SAAL1: variants seen among roughly 807,000 people sequenced by gnomAD.
SAAL1 encodes protein SAAL1.
SAAL1 carries 42 observed loss-of-function variants against 59.8 expected under a neutral mutation model. The ratio of observed to expected loss-of-function variants is 0.70; its 90% confidence interval spans 0.55 to 0.91. SAAL1 has a LOEUF of 0.91. Ranked by LOEUF, SAAL1 falls within the 40% of genes least tolerant of loss-of-function variation. SAAL1 has a pLI of 0.00. For missense variants in SAAL1, 542 were observed against 561.1 expected (o/e 0.97, Z 0.34); for synonymous variants, 191 against 194.3 (o/e 0.98, Z 0.14).
rs749808033 is a variant in SAAL1 at position 18,086,984 on chromosome 11, C to A, written c.924G>T (p.Gln308His). ...GAAGAATGATGGGTGGATCATCAGA[C>A]TGGCAGAATTCATGGCAGACCAGGT... ...LFDLVCHEFCQSDDPPIILQE... is the reference protein window; with the variant it reads ...LFDLVCHEFCHSDDPPIILQE... The change falls in exon 9 of 12, where the codon CAG becomes CAT. Residue 308 changes from glutamine (Q) to histidine (H), a missense_variant. By Grantham distance (24) the Gln-to-His change is conservative (BLOSUM62 0). Coordinates refer to ENST00000524803, the MANE Select transcript of SAAL1 (RefSeq NM_138421.3). 2 of 1,613,868 alleles carry A rather than the reference C, an allele frequency of 1.2e-6. No homozygotes were observed. The highest frequency in any genetic ancestry group is 1.7e-5 in the Admixed American group (1 of 60,000).
Position 18,102,261 on chromosome 11 carries a change from G to A in SAAL1, c.249+972C>T, listed in dbSNP as rs117863471. On this transcript the variant is annotated intron_variant, in intron 2 of 11. Coordinates refer to ENST00000524803, the MANE Select transcript of SAAL1 (RefSeq NM_138421.3). ...CACTAAAAATATAAAAATTCGCAGG[G>A]ATTGGTGGCTCACACCTGTACTCCC... 2.8e-3 allele frequency among the ~76,000 whole-genome samples: 419 copies of A among 152,174 alleles called. 2 individuals are homozygous for A. Among genetic ancestry groups the A allele is most frequent in the African/African-American group, 9.4e-3 (389 of 41,526 alleles).
chr11:18,097,566 G>A (rs190449643), intron 2 of SAAL1, among the ~76,000 whole-genome samples: 6 of 152,312 alleles, frequency 3.9e-5, no homozygotes, highest in East Asian at 1.9e-4. Context: ...CACGCTGGGC[G>A]CAGTGGTTCA....
rs764199969 is a variant in SAAL1 at position 18,106,075 on chromosome 11, C to T, written c.-34G>A. The T allele has an allele frequency of 5.7e-6, 9 of 1,574,656 alleles. No homozygotes were observed. The South Asian group carries it at 7.0e-5, about 12-fold the overall frequency. On this transcript the variant is annotated 5_prime_UTR_variant, in exon 1 of 12. Coordinates refer to ENST00000524803, the MANE Select transcript of SAAL1 (RefSeq NM_138421.3). ...CGCGTCCCGCGCTTGAAGGCCGTGCCGGAAGCTGCGGAGGAGACGACCGGC... is the reference window on the plus strand; with the variant it reads ...CGCGTCCCGCGCTTGAAGGCCGTGCTGGAAGCTGCGGAGGAGACGACCGGC...
chr11:18,090,506 A>T lies in SAAL1; in HGVS notation c.414-13T>A, dbSNP rs1848512992. 1.9e-6 allele frequency: 3 copies of T among 1,600,276 alleles called. No homozygotes were observed. Among genetic ancestry groups the T allele is most frequent in the African/African-American group, 2.7e-5 (2 of 74,126 alleles). On this transcript the variant is annotated splice_polypyrimidine_tract_variant and intron_variant, in intron 4 of 11. Transcript: ENST00000524803. ...CAATAACACCTGCCTACAAAAACAAAGAAGTTAACCGATATGCCTCACTTC... is the reference window on the plus strand; with the variant it reads ...CAATAACACCTGCCTACAAAAACAATGAAGTTAACCGATATGCCTCACTTC...
intron 7 of SAAL1, 43 bp from the exon 8 acceptor site, chr11:18,087,268 T>C (rs1376581236): frequency 6.8e-6 from 8 of 1,175,812 alleles, no homozygotes; most frequent in Non-Finnish European, 1.0e-5. Flanking sequence ...AACTTTACTG[T>C]CCAGGGGATT....
intron 10 of SAAL1, 49 bp downstream of exon 10, chr11:18,083,486 C>T (rs1032067920): frequency 1.8e-6 from 2 of 1,110,936 alleles, no homozygotes; most frequent in South Asian, 1.9e-5. Context: ...AAGCGTTAAG[C>T]AACCCACACT....
chr11:18,093,506 G>A (rs1398466709), intron 3 of SAAL1, among the ~76,000 whole-genome samples: 3 of 152,106 alleles, frequency 2.0e-5, no homozygotes, highest in Admixed American at 2.0e-4. Flanking sequence ...AAAAGAAGTT[G>A]AAAAGAACTT....
chr11:18,105,910 G>C lies in SAAL1; in HGVS notation c.132C>G (p.Ile44Met), dbSNP rs771624025. The change falls in exon 1 of 12, where the codon ATC becomes ATG. Residue 44 changes from isoleucine (I) to methionine (M), a missense_variant. Physicochemically the swap from Ile to Met is conservative, Grantham distance 10. Coordinates refer to ENST00000524803, the MANE Select transcript of SAAL1 (RefSeq NM_138421.3). Reference sequence around the variant, plus strand: ...CGCGTGGCGCGAGTTTCCACACCTGGATGAGTCCGCTGAGGACGCCGAAGA... The same window carrying C: ...CGCGTGGCGCGAGTTTCCACACCTGCATGAGTCCGCTGAGGACGCCGAAGA... ...HWLFGVLSGL[I>M]QIVSPENTKS... is the part of the protein sequence containing the mutation. 2 of 1,599,864 alleles carry C rather than the reference G, an allele frequency of 1.3e-6. No individual in the cohort carries two copies. Among genetic ancestry groups the C allele is most frequent in the African/African-American group, 2.7e-5 (2 of 74,676 alleles).
intron 3 of SAAL1, chr11:18,093,967 T>C (rs1462535678): frequency 2.6e-5 from 4 of 152,150 alleles, no homozygotes; most frequent in Non-Finnish European, 5.9e-5. Context: ...ACAGGAAAAC[T>C]AAAAAAGAAA....
At chr11:18,097,894 T>C (rs148896852) in intron 2 of SAAL1, among the ~76,000 whole-genome samples, 3,448 of 150,338 alleles carry the variant, frequency 0.023, 153 homozygotes, top group African/African-American at 0.081. Flanking sequence ...CCTGTAATCC[T>C]AACACTTTGG....
chr11:18,087,346 A>C (rs1590285117), intron 7 of SAAL1, 121 bp from the exon 8 acceptor site: 1 of 631,388 alleles, frequency 1.6e-6, no homozygotes, highest in Middle Eastern at 4.3e-4. Context: ...CTGAGGATAA[A>C]ACAAGGAAAG....
chr11:18,081,450 G>T lies in SAAL1; in HGVS notation c.1293C>A (p.Ser431=). Residue 431 remains serine, a synonymous_variant, in exon 11 of 12, where the codon TCC becomes TCA. Coordinates refer to ENST00000524803, the MANE Select transcript of SAAL1 (RefSeq NM_138421.3). ...AAGGAAGAAGGTTTTGAAATGCAGA[G>T]GAACACTTCTGTTTGCTCAACTGGC... ...KEGQLSKQKC[S]SAFQNLLPFY... The T allele has an allele frequency of 3.7e-6, 6 of 1,614,006 alleles. No homozygotes were observed. Among genetic ancestry groups the T allele is most frequent in the Non-Finnish European group, 5.1e-6 (6 of 1,179,924 alleles).
Position 18,080,450 on chromosome 11 carries a change from C to T in SAAL1, c.1374G>A (p.Ala458=), listed in dbSNP as rs777521065. The T allele has an allele frequency of 5.1e-5, 81 of 1,591,026 alleles. No homozygotes were observed. Among genetic ancestry groups the T allele is most frequent in the Non-Finnish European group, 6.0e-5 (71 of 1,174,400 alleles). ...FIKILREVDK[A]LADDLEKNFP... ...AGTTTTTTTCCAAGTCATCAGCAAG[C>T]GCCTTATCAACTTCACGTAGGATTT... Residue 458 remains alanine (A), a synonymous_variant, in exon 12 of 12, where the codon GCG becomes GCA. Coordinates refer to ENST00000524803, the MANE Select transcript of SAAL1 (RefSeq NM_138421.3).
intron 5 of SAAL1, 24 bp downstream of exon 5, chr11:18,090,410 G>A (rs937429179): frequency 6.3e-7 from 1 of 1,596,908 alleles, no homozygotes; most frequent in Non-Finnish European, 8.5e-7. Flanking sequence ...TAACCTTATA[G>A]AATTCATAAA....
rs940651202 is a variant in SAAL1, at chr11:18,103,486, T to C, written c.136-140A>G. ...ATTTGATTCCTGGCCAGGGCCACTG[T>C]CTGTGTGGAGTTTGCATGTTCTCCC... On this transcript the variant is annotated intron_variant, in intron 1 of 11. Transcript: ENST00000524803. The C allele has an allele frequency of 2.5e-5, 17 of 680,930 alleles. No individual in the cohort carries two copies. The Admixed American group carries it at 3.8e-4, about 15-fold the overall frequency. The allele number at this position is 680,930 out of a possible 1,614,324, so 42.2% of individuals were successfully genotyped here.
intron 1 of SAAL1, among the ~76,000 whole-genome samples, chr11:18,105,033 G>A (rs138401838): frequency 1.4e-4 from 22 of 152,116 alleles, no homozygotes; most frequent in African/African-American, 5.3e-4. Flanking sequence ...TAAGCACTCT[G>A]TTGCCATTAT....
chr11:18,088,768 C>T (rs1383120189), intron 7 of SAAL1, among the ~76,000 whole-genome samples: 1 of 152,176 alleles, frequency 6.6e-6, no homozygotes. Flanking sequence ...ATTTATCCCT[C>T]ACTTGGATAA....
chr11:18,090,140 A>T, intron 6 of SAAL1, 35 bp downstream of exon 6: 1 of 1,500,988 alleles, frequency 6.7e-7, no homozygotes, highest in Non-Finnish European at 8.9e-7. Context: ...GATACAATTT[A>T]AAACATTTTT....
chr11:18,082,544 A>T (rs12290774), intron 10 of SAAL1, among the ~76,000 whole-genome samples: 3,397 of 152,212 alleles, frequency 0.022, 147 homozygotes, highest in African/African-American at 0.079. Context: ...CTGCTAAGGT[A>T]ATAACCCCAA....
Sources: allele counts gnomAD v4.1 joint callset (sites outside exome capture counted in the v4.1 genomes callset), GRCh38; gene constraint gnomAD v4.1.1; transcripts MANE v1.5; gene names NCBI Gene and HGNC (gene_info 2026-07-23, HGNC 2026-07-21).